The following EXOC4 variants were observed in gnomAD, a reference collection of about 807,000 sequenced individuals.
The protein encoded by EXOC4 is SEC8-like 1.
Under a neutral mutation model 107.2 loss-of-function variants are expected in EXOC4, and 71 were observed. That is an observed-to-expected ratio of 0.66 (90% CI 0.55 to 0.81). EXOC4 has a LOEUF of 0.81. Among genes scored for constraint, EXOC4 ranks in the 30% least tolerant of loss-of-function variants. The pLI, the probability that EXOC4 is intolerant of heterozygous loss-of-function variation, is 0.00. For missense variants in EXOC4, 1,108 were observed against 1,189.6 expected, an observed-to-expected ratio of 0.93 and a Z score of 1.01; for synonymous variants, 456 against 441.2, an observed-to-expected ratio of 1.03 and a Z score of -0.42.
intron 14 of EXOC4, among the ~76,000 whole-genome samples, chr7:133,995,297 T>C (rs1390592976): frequency 6.6e-6 from 1 of 152,238 alleles, no homozygotes; most frequent in Non-Finnish European, 1.5e-5. Context: ...ATGCCTTTGA[T>C]GGAATTTGGT....
chr7:133,452,138 A>G (rs1043971156), intron 7 of EXOC4, among the ~76,000 whole-genome samples: 3 of 152,100 alleles, frequency 2.0e-5, no homozygotes, highest in Non-Finnish European at 4.4e-5. Flanking sequence ...TAAGAGTCCA[A>G]CTTTTTTCAT....
At chr7:133,337,041 T>C (rs1795532679) in intron 5 of EXOC4, among the ~76,000 whole-genome samples, 1 of 152,178 alleles carries the variant, frequency 6.6e-6, no homozygotes, top group Non-Finnish European at 1.5e-5. Flanking sequence ...CCATGTTTTA[T>C]TTTTAAATGT....
intron 17 of EXOC4, among the ~76,000 whole-genome samples, chr7:134,022,075 A>T (rs1795042956): frequency 6.6e-6 from 1 of 152,222 alleles, no homozygotes; most frequent in African/African-American, 2.4e-5. Flanking sequence ...TGCTGCTGTG[A>T]AAGTAATAAT....
intron 10 of EXOC4, among the ~76,000 whole-genome samples, chr7:133,781,985 A>C (rs992604583): frequency 6.6e-6 from 1 of 152,214 alleles, no homozygotes; most frequent in African/African-American, 2.4e-5. Context: ...TCTAATTTTA[A>C]TAATCATTTC....
chr7:133,670,858 A>G (rs1322183705), intron 10 of EXOC4, among the ~76,000 whole-genome samples: 2 of 152,184 alleles, frequency 1.3e-5, no homozygotes, highest in African/African-American at 2.4e-5. Context: ...CATGGAGTGG[A>G]CATTCTAATG....
intron 7 of EXOC4, among the ~76,000 whole-genome samples, chr7:133,375,990 GA>G (rs1313855370): frequency 2.0e-5 from 3 of 152,148 alleles, no homozygotes; most frequent in African/African-American, 7.2e-5. Context: ...CTGCTAATAT[GA>G]AAAAAATTAA....
At position 133,347,616 on chromosome 7, in the gene EXOC4, C is replaced by G. The variant is rs147321016; in HGVS notation, c.764-8714C>G. Among the ~76,000 whole-genome samples the G allele has an allele frequency of 3.3e-3, 505 of 152,250 alleles. 1 individual carries two copies. Among genetic ancestry groups the G allele is most frequent in the Non-Finnish European group, 4.7e-3 (322 of 68,012 alleles). ...ATAGATATTATCTAGTCAATCTTTT[C>G]ATGAGTCCCAGAGAGTTTTAGCTAA... On this transcript the variant is annotated intron_variant, in intron 5 of 17. Coordinates refer to ENST00000253861, the MANE Select transcript of EXOC4 (RefSeq NM_021807.4).
intron 12 of EXOC4, among the ~76,000 whole-genome samples, chr7:133,909,276 A>G (rs1290753816): frequency 6.6e-6 from 1 of 152,158 alleles, no homozygotes. Flanking sequence ...GCTTTCGTGG[A>G]TTTTACACCT....
intron 10 of EXOC4, among the ~76,000 whole-genome samples, chr7:133,730,455 T>G (rs910065678): frequency 6.6e-6 from 1 of 152,088 alleles, no homozygotes; most frequent in Non-Finnish European, 1.5e-5. Flanking sequence ...TAAGATGGTA[T>G]TAATGGTCCT....
intron 7 of EXOC4, among the ~76,000 whole-genome samples, chr7:133,464,446 T>C (rs73724596): frequency 0.02 from 2,996 of 152,294 alleles, 102 homozygotes; most frequent in African/African-American, 0.068. Context: ...ATTTCTATTT[T>C]AAAGGAGTTC....
intron 5 of EXOC4, among the ~76,000 whole-genome samples, chr7:133,338,190 TC>T (rs1440756892): frequency 6.6e-6 from 1 of 152,180 alleles, no homozygotes; most frequent in Non-Finnish European, 1.5e-5. Context: ...TTTAATTCTT[TC>T]ATTTTACTGG....
intron 5 of EXOC4, among the ~76,000 whole-genome samples, chr7:133,334,058 A>G (rs1795453734): frequency 6.6e-6 from 1 of 152,150 alleles, no homozygotes; most frequent in East Asian, 1.9e-4. Context: ...TATGTTATTT[A>G]TTTGCAATAC....
At chr7:133,957,007 C>T (rs866584730) in intron 14 of EXOC4, among the ~76,000 whole-genome samples, 14 of 151,776 alleles carry the variant, frequency 9.2e-5, no homozygotes, top group South Asian at 2.1e-4. Context: ...AATGTGAGAA[C>T]TATATAGAGA....
intron 7 of EXOC4, among the ~76,000 whole-genome samples, chr7:133,393,270 A>G (rs1796893834): frequency 6.6e-6 from 1 of 152,096 alleles, no homozygotes; most frequent in Non-Finnish European, 1.5e-5. Context: ...TTTTAATCAG[A>G]TTAAAAAGGC....
intron 7 of EXOC4, among the ~76,000 whole-genome samples, chr7:133,443,798 C>T (rs1333447954): frequency 6.6e-6 from 1 of 152,170 alleles, no homozygotes; most frequent in Non-Finnish European, 1.5e-5. Context: ...TGGGAAACAC[C>T]CCCTCTCAAA....
At chr7:133,643,293 T>G (rs768268125) in intron 10 of EXOC4, among the ~76,000 whole-genome samples, 10 of 149,716 alleles carry the variant, frequency 6.7e-5, no homozygotes, top group Non-Finnish European at 1.5e-4. Context: ...TGGGAGAAGA[T>G]GTAGGCTGGA....
chr7:133,658,641 T>G (rs1174648077), intron 10 of EXOC4, among the ~76,000 whole-genome samples: 1 of 152,134 alleles, frequency 6.6e-6, no homozygotes, highest in African/African-American at 2.4e-5. Flanking sequence ...TTTATTATGA[T>G]AGTGAAGTAA....
Position 133,613,917 on chromosome 7 carries a change from G to A in EXOC4, c.1418-16128G>A, listed in dbSNP as rs527984681. Among the ~76,000 whole-genome samples the A allele has an allele frequency of 6.6e-5, 10 of 152,254 alleles. No individual in the cohort carries two copies. The South Asian group carries it at 8.3e-4, about 13-fold the overall frequency. On this transcript the variant is annotated intron_variant, in intron 9 of 17. Transcript: ENST00000253861. ...ATTATATGGTAACTTAAGGCAAAAG[G>A]AAGGTGAAGGATGTAAAGCTGGAGA...
At chr7:134,020,429 C>T (rs1795002663) in intron 17 of EXOC4, among the ~76,000 whole-genome samples, 1 of 152,154 alleles carries the variant, frequency 6.6e-6, no homozygotes, top group African/African-American at 2.4e-5. Context: ...GTCCCCTTTA[C>T]TCTTATCTCC....
Sources: allele counts gnomAD v4.1 joint callset (sites outside exome capture counted in the v4.1 genomes callset), GRCh38; gene constraint gnomAD v4.1.1; transcripts MANE v1.5; gene names NCBI Gene and HGNC (gene_info 2026-07-23, HGNC 2026-07-21).